ZNF423: variants seen among roughly 807,000 people sequenced by gnomAD.
ZNF423 encodes Ebf-associated zinc finger protein.
A neutral mutation model predicts 95.8 loss-of-function variants in ZNF423; 12 were observed. The ratio of observed to expected loss-of-function variants is 0.13; its 90% CI spans 0.08 to 0.20. The LOEUF (loss-of-function observed/expected upper bound fraction) is 0.20, where lower values mean the gene tolerates loss of function less well. Among genes scored for constraint, ZNF423 ranks in the 10% least tolerant of loss-of-function variants. The pLI, the probability that ZNF423 is intolerant of heterozygous loss-of-function variation, is 1.00. For synonymous variants in ZNF423, 749 were observed against 711.9 expected, an observed-to-expected ratio of 1.05 and a Z score of -0.83; for missense variants, 1,316 against 1,737.1, an observed-to-expected ratio of 0.76 and a Z score of 4.31.
At chr16:49,825,692 T>C (rs1218864792) in intron 1 of ZNF423, among the ~76,000 whole-genome samples, 1 of 152,242 alleles carries the variant, frequency 6.6e-6, no homozygotes, top group East Asian at 1.9e-4. Context: ...GGAATCTAGA[T>C]TGTAGTGGGT....
At chr16:49,628,786 A>G (rs892343752) in intron 4 of ZNF423, among the ~76,000 whole-genome samples, 6 of 152,194 alleles carry the variant, frequency 3.9e-5, no homozygotes, top group Admixed American at 2.0e-4. Flanking sequence ...TGAGGGCAGA[A>G]AAACTGAGAT....
chr16:49,508,165 C>T (rs1310708476), intron 7 of ZNF423, among the ~76,000 whole-genome samples: 1 of 152,046 alleles, frequency 6.6e-6, no homozygotes, highest in East Asian at 1.9e-4. Flanking sequence ...AAGAACAATG[C>T]CGGGCACTCA....
At chr16:49,678,315 TTTTGTTTTGTTTTGC>T (rs771335293) in intron 3 of ZNF423, among the ~76,000 whole-genome samples, 59 of 101,362 alleles carry the variant, frequency 5.8e-4, no homozygotes, top group Non-Finnish European at 1.2e-3. Context: ...TTTTGTTTTG[TTTTGTTTTGTTTTGC>T]TTAAGGGGCA....
At chr16:49,620,745 A>G (rs1972048469) in intron 5 of ZNF423, among the ~76,000 whole-genome samples, 1 of 152,116 alleles carries the variant, frequency 6.6e-6, no homozygotes, top group African/African-American at 2.4e-5. Context: ...GGGTCATGGC[A>G]AGTTTGTTAT....
chr16:49,810,519 C>T (rs957786521), intron 1 of ZNF423, among the ~76,000 whole-genome samples: 4 of 152,128 alleles, frequency 2.6e-5, no homozygotes, highest in Non-Finnish European at 2.9e-5. Context: ...GACCCCTGGG[C>T]GCATCAGGGT....
chr16:49,765,938 A>G (rs2033921562), intron 2 of ZNF423, among the ~76,000 whole-genome samples: 1 of 152,110 alleles, frequency 6.6e-6, no homozygotes, highest in Admixed American at 6.5e-5. Context: ...GGGAATGGGG[A>G]GTGAGTGTTT....
intron 6 of ZNF423, 137 bp downstream of exon 6, chr16:49,525,226 G>A: frequency 7.6e-7 from 1 of 1,313,630 alleles, no homozygotes; most frequent in Admixed American, 2.2e-5. Context: ...AATCCCTCAG[G>A]GTATCCCCAA....
chr16:49,709,807 C>A (rs1294951184), intron 3 of ZNF423, among the ~76,000 whole-genome samples: 1 of 152,156 alleles, frequency 6.6e-6, no homozygotes, highest in Non-Finnish European at 1.5e-5. Context: ...GAGGAGTGGG[C>A]CCTTACCAGA....
intron 7 of ZNF423, among the ~76,000 whole-genome samples, chr16:49,514,514 A>C (rs1968051529): frequency 6.6e-6 from 1 of 152,158 alleles, no homozygotes; most frequent in Non-Finnish European, 1.5e-5. Context: ...AAGGGTCCCA[A>C]GGGAGCTGAG....
chr16:49,544,486 G>A (rs1242398824), intron 5 of ZNF423, among the ~76,000 whole-genome samples: 1 of 152,238 alleles, frequency 6.6e-6, no homozygotes, highest in Non-Finnish European at 1.5e-5. Flanking sequence ...TAAGAAGGGT[G>A]AATAAAATAT....
chr16:49,496,339 G>A (rs1967165399), intron 7 of ZNF423, among the ~76,000 whole-genome samples: 1 of 152,190 alleles, frequency 6.6e-6, no homozygotes, highest in Non-Finnish European at 1.5e-5. Context: ...TTGGAGGTGG[G>A]GCCTAGTGGG....
At chr16:49,859,134 C>G (rs2035404188), upstream of ZNF423, among the ~76,000 whole-genome samples, 1 of 152,092 alleles carries the variant, frequency 6.6e-6, no homozygotes, top group Admixed American at 6.5e-5. Context: ...GAAAGAGGGG[C>G]CGTCGGGGGA....
chr16:49,822,156 A>C (rs2144027235), intron 1 of ZNF423, among the ~76,000 whole-genome samples: 1 of 150,104 alleles, frequency 6.7e-6, no homozygotes, highest in South Asian at 2.1e-4. Flanking sequence ...CCGTTTGCCT[A>C]AGTCACCCCC....
At chr16:49,572,971 G>C in intron 5 of ZNF423, among the ~76,000 whole-genome samples, 1 of 152,218 alleles carries the variant, frequency 6.6e-6, no homozygotes, top group Non-Finnish European at 1.5e-5. Flanking sequence ...CATAGTACAT[G>C]TAGGCTCTCC....
intron 3 of ZNF423, among the ~76,000 whole-genome samples, chr16:49,649,737 AG>A (rs1265144063): frequency 2.6e-5 from 4 of 151,356 alleles, no homozygotes; most frequent in Non-Finnish European, 5.9e-5. Flanking sequence ...GATATCTGAC[AG>A]GAGAAGTGTA....
At chr16:49,746,909 G>A (rs2033536956) in intron 2 of ZNF423, among the ~76,000 whole-genome samples, 1 of 152,194 alleles carries the variant, frequency 6.6e-6, no homozygotes, top group African/African-American at 2.4e-5. Flanking sequence ...CCTAGCCGTA[G>A]CATCCTGACC....
At chr16:49,576,587 T>C (rs1379061396) in intron 5 of ZNF423, among the ~76,000 whole-genome samples, 1 of 152,180 alleles carries the variant, frequency 6.6e-6, no homozygotes, top group Admixed American at 6.5e-5. Flanking sequence ...CCTTAGCAAA[T>C]TGGCCCCTAC....
chr16:49,674,839 CG>C (rs1374856565), intron 3 of ZNF423, among the ~76,000 whole-genome samples: 1 of 152,110 alleles, frequency 6.6e-6, no homozygotes, highest in African/African-American at 2.4e-5. Flanking sequence ...TCCCAGTGGC[CG>C]GTTTGTCTTA....
In ZNF423 at chr16:49,715,975, G is replaced by A. The variant is rs1456685295; in HGVS notation, c.301+14796C>T. On this transcript the variant is annotated intron_variant, in intron 3 of 7. Transcript: ENST00000563137. The stretch of plus-strand genomic sequence containing the variant: ...AGGTGGAAGGATTGCTTGAGCCCAG[G>A]AGGTCGATGCTGCAGTGAGCTGTGA... 4.6e-5 allele frequency among the ~76,000 whole-genome samples: 7 copies of A among 152,070 alleles called. No homozygotes were observed. In the East Asian group the frequency reaches 1.3e-3, roughly 29 times the overall value.
Sources: allele counts gnomAD v4.1 joint callset (sites outside exome capture counted in the v4.1 genomes callset), GRCh38; gene constraint gnomAD v4.1.1; transcripts MANE v1.5; gene names NCBI Gene and HGNC (gene_info 2026-07-23, HGNC 2026-07-21).